The following KCNQ1 variants were observed in gnomAD, a reference collection of about 807,000 sequenced individuals.
KCNQ1 encodes the protein potassium voltage-gated channel subfamily KQT member 1.
A neutral mutation model predicts 72.4 loss-of-function variants in KCNQ1; 49 were observed. That is an observed-to-expected ratio of 0.68 (90% CI 0.54 to 0.86). The LOEUF is 0.86. Ranked by LOEUF, KCNQ1 falls within the 40% of genes least tolerant of loss-of-function variation. The pLI is 0.00. For missense variants in KCNQ1, 790 were observed against 945.1 expected (o/e 0.84, Z 2.15); for synonymous variants, 450 against 412.6 (o/e 1.09, Z -1.10).
At chr11:2,777,317 G>C (rs1021253007) in intron 14 of KCNQ1, among the ~76,000 whole-genome samples, 2 of 151,496 alleles carry the variant, frequency 1.3e-5, no homozygotes, top group Non-Finnish European at 1.5e-5. Flanking sequence ...CATGAACCCA[G>C]GGCAACTTTG....
In KCNQ1 at chr11:2,458,809, C is replaced by G. The variant is rs1480176305; in HGVS notation, c.386+13325C>G. On this transcript the variant is annotated intron_variant, in intron 1 of 15. Transcript: ENST00000155840. This position sits in a 1 kb window ranked among gnomAD's most constrained non-coding sequence, Gnocchi z 4.6. ...AGAATCCCAGTGGTGGGGGATGGCT[C>G]TGTAGGACACATGACCTGATTTCCT... Among the ~76,000 whole-genome samples the G allele has an allele frequency of 6.6e-6, 1 of 152,162 alleles. No individual in the cohort carries two copies. The highest frequency in any genetic ancestry group is 2.4e-5 in the African/African-American group (1 of 41,434).
Position 2,481,863 on chromosome 11 carries a change from T to C in KCNQ1, c.386+36379T>C, listed in dbSNP as rs1027000531. 4.6e-5 allele frequency among the ~76,000 whole-genome samples: 7 copies of C among 152,230 alleles called. No individual in the cohort carries two copies. The highest frequency in any genetic ancestry group is 1.2e-4 in the African/African-American group (5 of 41,446). The stretch of plus-strand genomic sequence containing the variant: ...TACATTATGGTGAGTTGTATAATTA[T>C]TTAATTCTATATTACAATGTAATAA... On this transcript the variant is annotated intron_variant, in intron 1 of 15. Coordinates refer to ENST00000155840, the MANE Select transcript of KCNQ1 (RefSeq NM_000218.3). The surrounding 1 kb of genome is among the most constrained non-coding windows in gnomAD (Gnocchi z 4.6).
At chr11:2,553,982 G>A (rs530387756) in intron 2 of KCNQ1, among the ~76,000 whole-genome samples, 1 of 152,332 alleles carries the variant, frequency 6.6e-6, no homozygotes, top group South Asian at 2.1e-4. Flanking sequence ...CTTCCAAAGT[G>A]CTGGGATTAC....
intron 12 of KCNQ1, among the ~76,000 whole-genome samples, chr11:2,773,093 C>T (rs1309376050): frequency 6.6e-6 from 1 of 152,216 alleles, no homozygotes; most frequent in Non-Finnish European, 1.5e-5. Flanking sequence ...TAAGGCAGAG[C>T]AAGGCAGTGC....
Position 2,484,816 on chromosome 11 carries a change from T to C in KCNQ1, c.386+39332T>C, listed in dbSNP as rs1846713325. Among the ~76,000 whole-genome samples the C allele has an allele frequency of 6.6e-6, 1 of 152,238 alleles. No individual in the cohort carries two copies. Among genetic ancestry groups the C allele is most frequent in the Admixed American group, 6.5e-5 (1 of 15,286 alleles). On this transcript the variant is annotated intron_variant, in intron 1 of 15. Transcript: ENST00000155840. This position sits in a 1 kb window ranked among gnomAD's most constrained non-coding sequence, Gnocchi z 5.2. ...CTACGCTTCTGTGTTCATCTGCAGA[T>C]ATATTCATACATGAGTGGGCTCATA...
intron 11 of KCNQ1, among the ~76,000 whole-genome samples, chr11:2,763,234 G>A (rs1019580840): frequency 1.3e-5 from 2 of 152,044 alleles, no homozygotes; most frequent in Admixed American, 1.3e-4. Flanking sequence ...AATGCTCAGT[G>A]CTTTTCTGTG....
chr11:2,843,564 G>A (rs1316592430), intron 15 of KCNQ1, among the ~76,000 whole-genome samples: 1 of 152,254 alleles, frequency 6.6e-6, no homozygotes, highest in South Asian at 2.1e-4. Context: ...GGAGCAGCGG[G>A]TGTGCCCGGC....
intron 2 of KCNQ1, among the ~76,000 whole-genome samples, chr11:2,551,782 GC>G (rs1346516336): frequency 6.6e-6 from 1 of 152,220 alleles, no homozygotes; most frequent in Non-Finnish European, 1.5e-5. Context: ...TGCTTTTTAA[GC>G]TTTGCCCATC....
In KCNQ1 at chr11:2,579,499, C is replaced by T. The variant is rs891381150; in HGVS notation, c.922-3936C>T. ...GGTGGTGGGCCATCAGGGACTAATC[C>T]CCAGCATGGTGACCATAAAACAGCC... On this transcript the variant is annotated intron_variant, in intron 6 of 15. Transcript: ENST00000155840. The surrounding 1 kb of genome is among the most constrained non-coding windows in gnomAD (Gnocchi z 6.0). 6.6e-5 allele frequency among the ~76,000 whole-genome samples: 10 copies of T among 152,350 alleles called. No homozygotes were observed. Among genetic ancestry groups the T allele is most frequent in the South Asian group, 2.1e-4 (1 of 4,832 alleles).
chr11:2,711,933 C>G lies in KCNQ1; in HGVS notation c.1514+49852C>G, dbSNP rs1226384983. Among the ~76,000 whole-genome samples, 1 of 152,106 alleles carries G rather than the reference C, an allele frequency of 6.6e-6. No homozygotes were observed. The highest frequency in any genetic ancestry group is 2.4e-5 in the African/African-American group (1 of 41,416). On this transcript the variant is annotated intron_variant, in intron 11 of 15. Transcript: ENST00000155840. This position sits in a 1 kb window ranked among gnomAD's most constrained non-coding sequence, Gnocchi z 5.4. ...GTGGCAGGTGGCTGGGGCTGCTCAC[C>G]TGCTCACCTGTGTCCATCCCCTTGG...
At chr11:2,461,572 G>C (rs773851684) in intron 1 of KCNQ1, 1 of 1,354,912 alleles carries the variant, frequency 7.4e-7, no homozygotes, top group Non-Finnish European at 9.8e-7. Context: ...ACTCAGCCCA[G>C]ATCACGGCTG....
In KCNQ1 at chr11:2,471,920, G is replaced by A. The variant is rs1846477217; in HGVS notation, c.386+26436G>A. On this transcript the variant is annotated intron_variant, in intron 1 of 15. Transcript: ENST00000155840. The surrounding 1 kb of genome is among the most constrained non-coding windows in gnomAD (Gnocchi z 4.8). ...TGTGTGTATGCGTGCACCTATGTGT[G>A]TATAGGCGTGTATGTGTGCGCGTGT... is the stretch of plus-strand genomic sequence containing the variant. 6.6e-6 allele frequency among the ~76,000 whole-genome samples: 1 copy of A among 151,662 alleles called. No individual in the cohort carries two copies. The highest frequency in any genetic ancestry group is 6.6e-5 in the Admixed American group (1 of 15,238).
chr11:2,453,430 T>A (rs1846143419), intron 1 of KCNQ1, among the ~76,000 whole-genome samples: 1 of 151,668 alleles, frequency 6.6e-6, no homozygotes, highest in Non-Finnish European at 1.5e-5. Context: ...GGGGAAGATG[T>A]GATGTTTCAC....
rs979448221 is a variant in KCNQ1, at chr11:2,782,927, T to A, written c.1794+4890T>A. Among the ~76,000 whole-genome samples, 3 of 152,142 alleles carry A rather than the reference T, an allele frequency of 2.0e-5. No homozygotes were observed. Among genetic ancestry groups the A allele is most frequent in the African/African-American group, 7.2e-5 (3 of 41,454 alleles). ...TTTGTTTTGTTTCATTCACTTCTGTTTATTTTATTCCTTCTATTTACTTGG... is the reference window on the plus strand; with the variant it reads ...TTTGTTTTGTTTCATTCACTTCTGTATATTTTATTCCTTCTATTTACTTGG... On this transcript the variant is annotated intron_variant, in intron 15 of 15. Coordinates refer to ENST00000155840, the MANE Select transcript of KCNQ1 (RefSeq NM_000218.3). This position sits in a 1 kb window ranked among gnomAD's most constrained non-coding sequence, Gnocchi z 6.1.
At chr11:2,717,923 G>A (rs1851122093) in intron 11 of KCNQ1, among the ~76,000 whole-genome samples, 3 of 152,204 alleles carry the variant, frequency 2.0e-5, no homozygotes, top group Admixed American at 2.0e-4. Context: ...AGCATTTTAG[G>A]GGCTGCCGTG....
In KCNQ1 at chr11:2,482,016, G is replaced by A. The variant is rs991367459; in HGVS notation, c.386+36532G>A. 2.6e-5 allele frequency among the ~76,000 whole-genome samples: 4 copies of A among 152,114 alleles called. No individual in the cohort carries two copies. Among genetic ancestry groups the A allele is most frequent in the Admixed American group, 6.5e-5 (1 of 15,272 alleles). ...TGGTCCCAAAAAGGTTGGGGACCAC[G>A]GCCATCGGCTGTTTGCTTTATGAAT... On this transcript the variant is annotated intron_variant, in intron 1 of 15. Transcript: ENST00000155840. The surrounding 1 kb of genome is among the most constrained non-coding windows in gnomAD (Gnocchi z 5.7).
intron 2 of KCNQ1, among the ~76,000 whole-genome samples, chr11:2,568,306 G>A (rs1349491207): frequency 7.3e-6 from 1 of 137,640 alleles, no homozygotes; most frequent in Non-Finnish European, 1.6e-5. Flanking sequence ...AATAAATAAA[G>A]TGCATCAAAA....
rs951386878 is a variant in KCNQ1, at chr11:2,603,166, A to G, written c.1393+14312A>G. ...ATGAAGCAAATATTGCAATAAAGCA[A>G]GTCACACAAATTTTTTGGTTTGCCA... is the stretch of plus-strand genomic sequence containing the variant. On this transcript the variant is annotated intron_variant, in intron 10 of 15. Transcript: ENST00000155840. This position sits in a 1 kb window ranked among gnomAD's most constrained non-coding sequence, Gnocchi z 4.1. Among the ~76,000 whole-genome samples, 3 of 152,252 alleles carry G rather than the reference A, an allele frequency of 2.0e-5. No individual in the cohort carries two copies. Among genetic ancestry groups the G allele is most frequent in the African/African-American group, 7.2e-5 (3 of 41,454 alleles).
chr11:2,670,612 G>T lies in KCNQ1; in HGVS notation c.1514+8531G>T. ...GCTCATTCCCAGACACACAATCTCT[G>T]GGGGAGCCTGGATATGCATGGCAGA... On this transcript the variant is annotated intron_variant, in intron 11 of 15. Transcript: ENST00000155840. The surrounding 1 kb of genome is among the most constrained non-coding windows in gnomAD (Gnocchi z 4.9). 2.5e-6 allele frequency: 1 copy of T among 398,428 alleles called. No homozygotes were observed. Among genetic ancestry groups the T allele is most frequent in the Non-Finnish European group, 4.4e-6 (1 of 226,054 alleles). 24.7% of individuals were successfully genotyped at this position (398,428 alleles called of 1,614,324 possible). A position where few individuals can be genotyped will look rare whatever the true frequency, so the allele number is the denominator to read the frequency against.
Sources: allele counts gnomAD v4.1 joint callset (sites outside exome capture counted in the v4.1 genomes callset), GRCh38; gene constraint gnomAD v4.1.1; non-coding constraint Gnocchi (gnomAD v3.1); transcripts MANE v1.5; gene names NCBI Gene and HGNC (gene_info 2026-07-23, HGNC 2026-07-21).